Variants in CNGA3 observed in about 807,000 individuals in gnomAD.
The protein encoded by CNGA3 is cyclic nucleotide-gated channel alpha-3.
A neutral mutation model predicts 46.6 loss-of-function variants in CNGA3; 42 were observed. The ratio of observed to expected loss-of-function variants is 0.90; its 90% CI spans 0.70 to 1.17. The LOEUF (loss-of-function observed/expected upper bound fraction) is 1.17, where lower values mean the gene tolerates loss of function less well. Ranked by LOEUF, CNGA3 falls within the 50% of genes most tolerant of loss-of-function variation. The pLI, the probability that CNGA3 is intolerant of heterozygous loss-of-function variation, is 0.00. For synonymous variants in CNGA3, 394 were observed against 369.4 expected, an observed-to-expected ratio of 1.07 and a Z score of -0.76; for missense variants, 893 against 890.7, an observed-to-expected ratio of 1.00 and a Z score of -0.03.
intron 7 of CNGA3, among the ~76,000 whole-genome samples, chr2:98,393,590 G>A (rs1474257458): frequency 7.9e-5 from 12 of 152,266 alleles, no homozygotes; most frequent in South Asian, 2.1e-4. Context: ...CACCTGCCCC[G>A]CTGCTGCAGT....
At chr2:98,367,167 G>GTTTATTTTCCTTTTTTTTTTTTTTTTTT in intron 1 of CNGA3, among the ~76,000 whole-genome samples, 1 of 101,588 alleles carries the variant, frequency 9.8e-6, no homozygotes, top group South Asian at 2.9e-4. Flanking sequence ...GACATCAGCT[G>GTTTATTTTCCTTTTTTTTTTTTTTTTTT]TTTTTTTTCT....
chr2:98,367,188 T>C (rs1207581084), intron 1 of CNGA3, among the ~76,000 whole-genome samples: 1 of 142,366 alleles, frequency 7.0e-6, no homozygotes, highest in Non-Finnish European at 1.5e-5. Flanking sequence ...TTTTTTTCTT[T>C]TTTTTTTTTT....
Position 98,383,381 on chromosome 2 carries a change from C to T in CNGA3, c.396-7C>T. Reference sequence around the variant, plus strand: ...AGACCCTTGATGTTCTCTCTACCTTCCCGCAGCGCCTGGCCCCTGGCCAAA... The same window carrying T: ...AGACCCTTGATGTTCTCTCTACCTTTCCGCAGCGCCTGGCCCCTGGCCAAA... On this transcript the variant is annotated splice_polypyrimidine_tract_variant and splice_region_variant and intron_variant, in intron 4 of 7. Transcript: ENST00000272602. 2 of 1,614,096 alleles carry T rather than the reference C, an allele frequency of 1.2e-6. No homozygotes were observed.
At chr2:98,364,749 A>G (rs925622838) in intron 1 of CNGA3, among the ~76,000 whole-genome samples, 3 of 152,064 alleles carry the variant, frequency 2.0e-5, no homozygotes, top group African/African-American at 7.2e-5. Context: ...GTAGTGGCTG[A>G]TAACAGTTTT....
rs1318776307 is a variant in CNGA3 at position 98,380,155 on chromosome 2, G to T, written c.216-20G>T. The T allele has an allele frequency of 6.2e-7, 1 of 1,613,796 alleles. No individual in the cohort carries two copies. The highest frequency in any genetic ancestry group is 8.5e-7 in the Non-Finnish European group (1 of 1,180,050). Reference sequence around the variant, plus strand: ...GGGCTTTTCCTCTCCCTCTGGCTCAGTGCTTGTGTCACCTTCCAGGCTGTC... The same window carrying T: ...GGGCTTTTCCTCTCCCTCTGGCTCATTGCTTGTGTCACCTTCCAGGCTGTC... On this transcript the variant is annotated intron_variant, in intron 3 of 7. Coordinates refer to ENST00000272602, the MANE Select transcript of CNGA3 (RefSeq NM_001298.3).
At chr2:98,366,147 TC>T (rs1692144768) in intron 1 of CNGA3, among the ~76,000 whole-genome samples, 1 of 152,188 alleles carries the variant, frequency 6.6e-6, no homozygotes, top group South Asian at 2.1e-4. Flanking sequence ...GTCAGACCCT[TC>T]TTTTGTAGGG....
chr2:98,346,767 T>G lies in CNGA3; in HGVS notation c.-38+233T>G, dbSNP rs535013694. Among the ~76,000 whole-genome samples, 171 of 151,724 alleles carry G rather than the reference T, an allele frequency of 1.1e-3. 1 individual carries two copies. Among genetic ancestry groups the G allele is most frequent in the African/African-American group, 4.0e-3 (166 of 41,338 alleles). ...ACGGCCTCGGCTCCCACTCCCCGGC[T>G]CCCATACCCCTCCAGTCCAGTTCAA... is the stretch of plus-strand genomic sequence containing the variant. On this transcript the variant is annotated intron_variant, in intron 1 of 7. Coordinates refer to ENST00000272602, the MANE Select transcript of CNGA3 (RefSeq NM_001298.3).
intron 1 of CNGA3, among the ~76,000 whole-genome samples, chr2:98,348,940 G>A (rs1691708941): frequency 6.6e-6 from 1 of 152,126 alleles, no homozygotes; most frequent in African/African-American, 2.4e-5. Context: ...GTCAGGGTAG[G>A]CCTCCCCAGC....
chr2:98,363,242 A>G (rs1033649273), intron 1 of CNGA3, among the ~76,000 whole-genome samples: 4 of 152,140 alleles, frequency 2.6e-5, no homozygotes, highest in African/African-American at 9.7e-5. Flanking sequence ...TTACTTCGGG[A>G]AGTATGGCCA....
At position 98,396,959 on chromosome 2, in the gene CNGA3, G is replaced by T. The variant is rs567567852; in HGVS notation, c.1789G>T (p.Ala597Ser). 1 of 1,614,126 alleles carries T rather than the reference G, an allele frequency of 6.2e-7. No individual in the cohort carries two copies. The change falls in exon 8 of 8, where the codon GCC (alanine) becomes TCC (serine). Residue 597 changes from alanine to serine, a missense_variant. Transcript: ENST00000272602. ...ALTEYPEAKK[A>S]LEEKGRQILM... ...CACCGAGTACCCCGAAGCCAAGAAG[G>T]CCCTGGAGGAGAAAGGACGGCAGAT...
rs367575427 is a variant in CNGA3 at position 98,377,713 on chromosome 2, C to G, written c.128C>G (p.Ser43Trp). ...GCCCACTCGTCAAGTGAGGAGACAT[C>G]GTCAGTGCTGCAGCCGGGGATCGCC... ...SRAHSSSEET[S>W]SVLQPGIAME... is the part of the protein sequence containing the mutation. Residue 43 changes from serine to tryptophan, a missense_variant, in exon 3 of 8, where the codon TCG becomes TGG. Transcript: ENST00000272602. 1.2e-6 allele frequency: 2 copies of G among 1,613,318 alleles called. No homozygotes were observed. Among genetic ancestry groups the G allele is most frequent in the East Asian group, 2.2e-5 (1 of 44,896 alleles).
rs546567028 is a variant in CNGA3, at chr2:98,385,809, A to G, written c.449+2368A>G. On this transcript the variant is annotated intron_variant, in intron 5 of 7. Coordinates refer to ENST00000272602, the MANE Select transcript of CNGA3 (RefSeq NM_001298.3). Reference sequence around the variant, plus strand: ...GGGAGGCCTCAGGAAGCTTTCAATCATGGTGGAAGGCAAAGGGGGAGCAAG... The same window carrying G: ...GGGAGGCCTCAGGAAGCTTTCAATCGTGGTGGAAGGCAAAGGGGGAGCAAG... Among the ~76,000 whole-genome samples, 22 of 152,244 alleles carry G rather than the reference A, an allele frequency of 1.4e-4. No individual in the cohort carries two copies. The South Asian group carries it at 3.5e-3, about 24-fold the overall frequency.
At chr2:98,376,772 A>G (rs1434053874) in intron 2 of CNGA3, among the ~76,000 whole-genome samples, 2 of 152,202 alleles carry the variant, frequency 1.3e-5, no homozygotes, top group Non-Finnish European at 2.9e-5. Flanking sequence ...AGACTCATAG[A>G]CTGAAGTGCA....
At position 98,377,776 on chromosome 2, in the gene CNGA3, C is replaced by A. The variant is rs765938043; in HGVS notation, c.191C>A (p.Ser64Tyr). The change falls in exon 3 of 8, where the codon TCC becomes TAC. Residue 64 changes from serine to tyrosine, a missense_variant. Physicochemically the swap from Ser to Tyr is moderately radical, Grantham distance 144 (BLOSUM62 -2). Coordinates refer to ENST00000272602, the MANE Select transcript of CNGA3 (RefSeq NM_001298.3). ...GGACTGGCTGACTCCGGGCAGGGCT[C>A]CTTCACCGGCCAGGGGATCGCCAGG... ...TRGLADSGQG[S>Y]FTGQGIARLS... The A allele has an allele frequency of 1.2e-6, 2 of 1,611,908 alleles. No individual in the cohort carries two copies. The highest frequency in any genetic ancestry group is 1.7e-6 in the Non-Finnish European group (2 of 1,179,798).
intron 4 of CNGA3, among the ~76,000 whole-genome samples, chr2:98,381,375 T>A (rs900089244): frequency 1.3e-5 from 2 of 152,168 alleles, no homozygotes; most frequent in African/African-American, 4.8e-5. Context: ...AAAAGCTATC[T>A]GTATGTCAAT....
Position 98,369,970 on chromosome 2 carries a change from G to A in CNGA3, c.-6G>A, listed in dbSNP as rs764493075. The A allele has an allele frequency of 5.7e-5, 92 of 1,612,100 alleles. No homozygotes were observed. The highest frequency in any genetic ancestry group is 7.1e-5 in the Non-Finnish European group (84 of 1,178,850). On this transcript the variant is annotated 5_prime_UTR_variant, in exon 2 of 8. Coordinates refer to ENST00000272602, the MANE Select transcript of CNGA3 (RefSeq NM_001298.3). ...TCTGGGGGGCTAAATGTGACAAACC[G>A]AGAAGATGGCCAAGATCAACACCCA...
intron 1 of CNGA3, among the ~76,000 whole-genome samples, chr2:98,364,977 T>A (rs967511589): frequency 6.6e-6 from 1 of 152,046 alleles, no homozygotes. Flanking sequence ...TGGGGAGAGG[T>A]CCACTGTTAG....
rs920901615 is a variant in CNGA3, at chr2:98,390,057, G to A, written c.566+283G>A. On this transcript the variant is annotated intron_variant, in intron 6 of 7. Transcript: ENST00000272602. ...AGTTGTACGAGGAGGATGCAGGGGC[G>A]GTTGCTTCTCTTTGGAGGGATAAGT... 4.6e-5 allele frequency among the ~76,000 whole-genome samples: 7 copies of A among 152,288 alleles called. No homozygotes were observed. The South Asian group carries it at 1.5e-3, about 32-fold the overall frequency.
intron 4 of CNGA3, among the ~76,000 whole-genome samples, 192 bp downstream of exon 4, chr2:98,380,546 G>A (rs1692514954): frequency 6.6e-6 from 1 of 152,164 alleles, no homozygotes; most frequent in South Asian, 2.1e-4. Flanking sequence ...AGTCCAAGAG[G>A]CCTTGCAGGA....
Sources: gnomAD v4.1 joint callset for allele counts (sites outside exome capture counted in the v4.1 genomes callset) on GRCh38, gnomAD v4.1.1 for gene constraint, MANE v1.5 for transcripts, NCBI Gene and HGNC (gene_info 2026-07-23, HGNC 2026-07-21) for gene names.